The following STIM1 variants were observed in gnomAD, a reference collection of about 807,000 sequenced individuals.
STIM1 encodes the protein stromal interaction molecule 1.
Under a neutral mutation model 74.7 loss-of-function variants are expected in STIM1, and 25 were observed. That is an observed-to-expected ratio of 0.33 (90% CI 0.24 to 0.47). STIM1 has a LOEUF of 0.47. Among genes scored for constraint, STIM1 ranks in the 20% least tolerant of loss-of-function variants. The pLI is 1.00. For synonymous variants in STIM1, 328 were observed against 348.8 expected (o/e 0.94, Z 0.66); for missense variants, 728 against 920.8 (o/e 0.79, Z 2.71).
At chr11:3,906,648 A>T (rs534714332) in intron 1 of STIM1, among the ~76,000 whole-genome samples, 23 of 152,260 alleles carry the variant, frequency 1.5e-4, no homozygotes, top group African/African-American at 4.3e-4. Flanking sequence ...TAGGTGATTT[A>T]AAAAAATTTA....
intron 2 of STIM1, among the ~76,000 whole-genome samples, chr11:4,000,579 C>T (rs2093705860): frequency 6.6e-6 from 1 of 151,958 alleles, no homozygotes; most frequent in South Asian, 2.1e-4. Context: ...ACCAAAAACC[C>T]ATCTGTACAT....
At chr11:4,005,471 A>G (rs1027304284) in intron 2 of STIM1, among the ~76,000 whole-genome samples, 2 of 151,832 alleles carry the variant, frequency 1.3e-5, no homozygotes, top group Admixed American at 1.3e-4. Context: ...TCAGTAAACT[A>G]TCGCAAGGAC....
At chr11:4,049,225 G>A (rs1424531431) in intron 3 of STIM1, among the ~76,000 whole-genome samples, 1 of 151,990 alleles carries the variant, frequency 6.6e-6, no homozygotes, top group African/African-American at 2.4e-5. Context: ...TCTGATATAA[G>A]CAAAAGGGAG....
At position 3,884,982 on chromosome 11, in the gene STIM1, C is replaced by T. The variant is rs58773877; in HGVS notation, c.139+28573C>T. On this transcript the variant is annotated intron_variant, in intron 1 of 12. Coordinates refer to ENST00000526596, the MANE Select transcript of STIM1 (RefSeq NM_001382567.1). ...AGACAGAAAGTAGATTAGTGGTTGC[C>T]AGGGTGTGGGGGGAGAGGGTAATGA... is the stretch of plus-strand genomic sequence containing the variant. Among the ~76,000 whole-genome samples, 792 of 151,942 alleles carry T rather than the reference C, an allele frequency of 5.2e-3. 8 individuals carry two copies. The highest frequency in any genetic ancestry group is 0.018 in the African/African-American group (764 of 41,386).
At chr11:3,996,818 T>A (rs2093667236) in intron 2 of STIM1, among the ~76,000 whole-genome samples, 1 of 152,260 alleles carries the variant, frequency 6.6e-6, no homozygotes, top group African/African-American at 2.4e-5. Context: ...GCTGTCAAAC[T>A]AGAAGTCCCT....
intron 1 of STIM1, among the ~76,000 whole-genome samples, chr11:3,925,192 C>T (rs373768721): frequency 1.1e-4 from 17 of 152,230 alleles, no homozygotes; most frequent in East Asian, 3.9e-4. Context: ...GTCAATAGAT[C>T]GAAACCATCC....
intron 5 of STIM1, among the ~76,000 whole-genome samples, chr11:4,067,233 T>A (rs1053255956): frequency 6.6e-6 from 1 of 152,134 alleles, no homozygotes. Context: ...TATAACAAAT[T>A]GGGGCAGAGG....
At chr11:3,953,591 CA>C (rs1748493487) in intron 1 of STIM1, among the ~76,000 whole-genome samples, 1 of 152,102 alleles carries the variant, frequency 6.6e-6, no homozygotes, top group African/African-American at 2.4e-5. Context: ...CAACCTAGGG[CA>C]AAACAACCCA....
At chr11:4,067,665 G>A (rs2094376921) in intron 5 of STIM1, among the ~76,000 whole-genome samples, 1 of 152,210 alleles carries the variant, frequency 6.6e-6, no homozygotes, top group South Asian at 2.1e-4. Flanking sequence ...TCAGTTTCTT[G>A]GTCTACAGAA....
chr11:3,970,459 A>G (rs1310142392), intron 2 of STIM1, among the ~76,000 whole-genome samples: 1 of 152,146 alleles, frequency 6.6e-6, no homozygotes, highest in Non-Finnish European at 1.5e-5. Context: ...AAAGTTGGGT[A>G]GATATCTCAG....
intron 10 of STIM1, among the ~76,000 whole-genome samples, chr11:4,084,323 G>A (rs980322696): frequency 6.6e-6 from 1 of 152,222 alleles, no homozygotes; most frequent in Non-Finnish European, 1.5e-5. Context: ...GGCTGGGTTA[G>A]GGGCTTACTT....
At chr11:4,052,211 C>G (rs1190414413) in intron 3 of STIM1, among the ~76,000 whole-genome samples, 1 of 152,136 alleles carries the variant, frequency 6.6e-6, no homozygotes, top group East Asian at 1.9e-4. Flanking sequence ...AGTGCCATGC[C>G]CATCAAGCTA....
At position 3,856,570 on chromosome 11, in the gene STIM1, A is replaced by C. The variant is rs76548597; in HGVS notation, c.139+161A>C. ...GTAGTTCAAGAAGTTCTTTCTGGTC[A>C]GTAGTCATGGCAAATGCCTGTATCT... On this transcript the variant is annotated intron_variant, in intron 1 of 12. Coordinates refer to ENST00000526596, the MANE Select transcript of STIM1 (RefSeq NM_001382567.1). 6.6e-3 allele frequency among the ~76,000 whole-genome samples: 1,002 copies of C among 152,366 alleles called. 12 individuals carry two copies. The highest frequency in any genetic ancestry group is 0.023 in the African/African-American group (948 of 41,590).
At chr11:4,045,608 C>T (rs765584967) in intron 3 of STIM1, among the ~76,000 whole-genome samples, 10 of 151,828 alleles carry the variant, frequency 6.6e-5, no homozygotes, top group Non-Finnish European at 8.8e-5. Context: ...TACTACCACA[C>T]CTGGCTAATT....
chr11:3,941,673 T>TAGAGAG lies in STIM1; in HGVS notation c.140-25860_140-25855dup, dbSNP rs1554959602. ...GTATACATATATATATATATATATA[T>TAGAGAG]AGAGAGAGAGAGAGAGAGAGAGAGT... On this transcript the variant is annotated intron_variant, in intron 1 of 12. Coordinates refer to ENST00000526596, the MANE Select transcript of STIM1 (RefSeq NM_001382567.1). Among the ~76,000 whole-genome samples, 130 of 90,708 alleles carry TAGAGAG rather than the reference T, an allele frequency of 1.4e-3. 2 individuals are homozygous for TAGAGAG. Among genetic ancestry groups the TAGAGAG allele is most frequent in the African/African-American group, 2.8e-3 (76 of 27,122 alleles). 59.5% of individuals were successfully genotyped at this position (90,708 alleles called of 152,430 possible).
intron 3 of STIM1, among the ~76,000 whole-genome samples, chr11:4,050,914 A>C (rs1250906770): frequency 6.6e-6 from 1 of 152,206 alleles, no homozygotes; most frequent in African/African-American, 2.4e-5. Flanking sequence ...TTTACTGTTT[A>C]TTAAGTGGAA....
rs772902514 is a variant in STIM1 at position 4,086,500 on chromosome 11, C to T, written c.1591C>T (p.Arg531Trp). ...YPAPSLQSSV[R>W]QRLTEPQHGL... ...AGCCCCTAGCCTGCAGAGCAGTGTTCGGCAGCGCCTGACGGAGCCACAGCA... is the reference window on the plus strand; with the variant it reads ...AGCCCCTAGCCTGCAGAGCAGTGTTTGGCAGCGCCTGACGGAGCCACAGCA... Residue 531 changes from arginine to tryptophan, a missense_variant, in exon 12 of 13, where the codon CGG becomes TGG. Physicochemically the swap from Arg to Trp is moderately radical, Grantham distance 101. Transcript: ENST00000526596. 1.2e-5 allele frequency: 19 copies of T among 1,614,098 alleles called. No homozygotes were observed. The highest frequency in any genetic ancestry group is 4.4e-5 in the South Asian group (4 of 91,044).
At chr11:3,953,150 G>A (rs1218098104) in intron 1 of STIM1, among the ~76,000 whole-genome samples, 1 of 152,228 alleles carries the variant, frequency 6.6e-6, no homozygotes, top group Non-Finnish European at 1.5e-5. Context: ...AGGTTTAGCA[G>A]AAGCATATTC....
Position 4,025,410 on chromosome 11 carries a change from A to G in STIM1, c.385+1423A>G, listed in dbSNP as rs369268565. The stretch of plus-strand genomic sequence containing the variant: ...GCTTCCTGGATATCTTTGGAAGCTG[A>G]GTTCCTTCTGGGGGCTTTTCTTTAA... On this transcript the variant is annotated intron_variant, in intron 3 of 12. Transcript: ENST00000526596. Among the ~76,000 whole-genome samples, 6 of 152,296 alleles carry G rather than the reference A, an allele frequency of 3.9e-5. No homozygotes were observed. In the East Asian group the frequency reaches 7.7e-4, roughly 20 times the overall value.
Sources: allele counts gnomAD v4.1 joint callset (sites outside exome capture counted in the v4.1 genomes callset), GRCh38; gene constraint gnomAD v4.1.1; transcripts MANE v1.5; gene names NCBI Gene and HGNC (gene_info 2026-07-23, HGNC 2026-07-21).